The following EPHA6 variants were observed in gnomAD, a reference collection of about 807,000 sequenced individuals.
The protein encoded by EPHA6 is EPH receptor A6, also known as ephrin type-A receptor 6.
Under a neutral mutation model 112.0 loss-of-function variants are expected in EPHA6, and 50 were observed. The ratio of observed to expected loss-of-function variants is 0.45; its 90% CI spans 0.36 to 0.56. EPHA6 has a LOEUF of 0.56. Among genes scored for constraint, EPHA6 ranks in the 20% least tolerant of loss-of-function variants. The pLI, the probability that EPHA6 is intolerant of heterozygous loss-of-function variation, is 0.00. For missense variants in EPHA6, 1,280 were observed against 1,417.4 expected, an observed-to-expected ratio of 0.90 and a Z score of 1.56; for synonymous variants, 529 against 490.7, an observed-to-expected ratio of 1.08 and a Z score of -1.03.
intron 4 of EPHA6, among the ~76,000 whole-genome samples, chr3:97,228,265 A>C (rs1281994063): frequency 6.6e-5 from 10 of 151,960 alleles, no homozygotes; most frequent in Non-Finnish European, 1.3e-4. Flanking sequence ...TGCACCCATC[A>C]CTCGAGCAGT....
chr3:96,832,622 C>A (rs1204775678), intron 1 of EPHA6, among the ~76,000 whole-genome samples: 1 of 152,018 alleles, frequency 6.6e-6, no homozygotes, highest in Admixed American at 6.6e-5. Context: ...AAAACTTGTG[C>A]CACACAATAT....
chr3:96,878,049 A>G (rs1290678687), intron 2 of EPHA6, among the ~76,000 whole-genome samples: 1 of 151,840 alleles, frequency 6.6e-6, no homozygotes, highest in African/African-American at 2.4e-5. Context: ...TAAACAAATT[A>G]TAGGCTTACC....
At chr3:97,668,911 CAAAAAAAAAAAAAAAA>C (rs397990599) in intron 14 of EPHA6, among the ~76,000 whole-genome samples, 68 of 31,920 alleles carry the variant, frequency 2.1e-3, no homozygotes, top group Admixed American at 9.4e-3. Context: ...GACTCTGTCT[CAAAAAAAAAAAAAAAA>C]AAAAAAAAAA....
chr3:97,604,336 A>G (rs1050133747), intron 12 of EPHA6, among the ~76,000 whole-genome samples: 1 of 151,682 alleles, frequency 6.6e-6, no homozygotes, highest in Non-Finnish European at 1.5e-5. Context: ...AGAGTAACCA[A>G]TCATCCTAGT....
intron 14 of EPHA6, among the ~76,000 whole-genome samples, chr3:97,720,015 C>G (rs2034454699): frequency 6.6e-6 from 1 of 152,080 alleles, no homozygotes; most frequent in African/African-American, 2.4e-5. Context: ...ATAAATTTCT[C>G]TAATGAATGA....
chr3:97,730,828 C>A (rs112760244), intron 15 of EPHA6, among the ~76,000 whole-genome samples: 3 of 152,096 alleles, frequency 2.0e-5, no homozygotes, highest in African/African-American at 7.2e-5. Context: ...GCTGGGAACA[C>A]GTGGAACAAA....
chr3:96,967,548 T>C (rs1298578301), intron 2 of EPHA6, among the ~76,000 whole-genome samples: 1 of 151,958 alleles, frequency 6.6e-6, no homozygotes, highest in Non-Finnish European at 1.5e-5. Context: ...CTTCTTAGAA[T>C]GTTTACATAT....
chr3:97,700,558 A>G lies in EPHA6; in HGVS notation c.2785-19703A>G, dbSNP rs2107734698. Among the ~76,000 whole-genome samples the G allele has an allele frequency of 2.0e-5, 3 of 152,336 alleles. No individual in the cohort carries two copies. The South Asian group carries it at 6.2e-4, about 32-fold the overall frequency. ...GTAAGCTGACCCATTATTCCGTAAT[A>G]TTTGTGTAACTTTTAGGAAATCAAC... On this transcript the variant is annotated intron_variant, in intron 14 of 17. Coordinates refer to ENST00000389672, the MANE Select transcript of EPHA6 (RefSeq NM_001080448.3).
rs1452928685 is a variant in EPHA6 at position 97,549,689 on chromosome 3, A to G, written c.2386+17146A>G. Among the ~76,000 whole-genome samples, 5 of 152,144 alleles carry G rather than the reference A, an allele frequency of 3.3e-5. No homozygotes were observed. The East Asian group carries it at 7.7e-4, about 23-fold the overall frequency. ...GGTGGGCATTGTGGCACACACCTGT[A>G]GTCCCAGCTACTCAGGAGGCTGAGG... On this transcript the variant is annotated intron_variant, in intron 11 of 17. Transcript: ENST00000389672.
At chr3:96,843,154 G>A (rs144734635) in intron 1 of EPHA6, among the ~76,000 whole-genome samples, 3 of 152,162 alleles carry the variant, frequency 2.0e-5, no homozygotes, top group East Asian at 1.9e-4. Flanking sequence ...ATTTGTACAT[G>A]GGGTTATTAC....
chr3:97,473,030 G>A (rs973016664), intron 7 of EPHA6, among the ~76,000 whole-genome samples: 1 of 151,842 alleles, frequency 6.6e-6, no homozygotes, highest in Middle Eastern at 3.4e-3. Flanking sequence ...ATAATGAATT[G>A]ACGCTCATAG....
intron 2 of EPHA6, among the ~76,000 whole-genome samples, chr3:96,889,812 A>G (rs889211841): frequency 1.3e-5 from 2 of 152,204 alleles, no homozygotes; most frequent in Admixed American, 6.5e-5. Context: ...CCCCAGTACA[A>G]TATTGGTGCA....
intron 11 of EPHA6, chr3:97,572,861 A>G (rs1483941117): frequency 6.6e-6 from 1 of 152,202 alleles, no homozygotes; most frequent in Non-Finnish European, 1.5e-5. Flanking sequence ...TCTCCAAATA[A>G]GGAAATTTAA....
At chr3:97,528,881 A>G (rs1344616152) in intron 10 of EPHA6, among the ~76,000 whole-genome samples, 2 of 152,186 alleles carry the variant, frequency 1.3e-5, no homozygotes, top group East Asian at 3.9e-4. Flanking sequence ...ATGTGCTGTC[A>G]GTGGCAGAAG....
At chr3:97,230,734 GTAGCTCTGAGTT>G (rs1353491264) in intron 4 of EPHA6, among the ~76,000 whole-genome samples, 1 of 152,150 alleles carries the variant, frequency 6.6e-6, no homozygotes, top group Non-Finnish European at 1.5e-5. Context: ...TCTCAAAGAG[GTAGCTCTGAGTT>G]TAGGTTTAAA....
At chr3:97,257,928 G>T (rs1428437518) in intron 5 of EPHA6, among the ~76,000 whole-genome samples, 10 of 151,996 alleles carry the variant, frequency 6.6e-5, no homozygotes, top group African/African-American at 2.4e-4. Context: ...TACACACATG[G>T]TCATAAGGAA....
chr3:97,513,792 CTA>C (rs554827724), intron 10 of EPHA6, among the ~76,000 whole-genome samples: 3 of 150,532 alleles, frequency 2.0e-5, no homozygotes, highest in Admixed American at 6.6e-5. Flanking sequence ...GATCACTACA[CTA>C]TATATATATA....
intron 2 of EPHA6, among the ~76,000 whole-genome samples, chr3:96,967,784 A>G (rs2042177922): frequency 6.6e-6 from 1 of 151,892 alleles, no homozygotes; most frequent in South Asian, 2.1e-4. Flanking sequence ...ACTGAGTGCT[A>G]CCAAGTACTC....
intron 3 of EPHA6, among the ~76,000 whole-genome samples, chr3:97,006,692 G>T (rs11919388): frequency 0.022 from 3,270 of 152,082 alleles, 109 homozygotes; most frequent in African/African-American, 0.068. Flanking sequence ...TTTTAATTTT[G>T]ATTTTAGGGT....
Sources: gnomAD v4.1 joint callset for allele counts (sites outside exome capture counted in the v4.1 genomes callset) on GRCh38, gnomAD v4.1.1 for gene constraint, MANE v1.5 for transcripts, NCBI Gene and HGNC (gene_info 2026-07-23, HGNC 2026-07-21) for gene names.